Variants in TBL1X observed in about 807,000 individuals in gnomAD.
The protein encoded by TBL1X is transducin beta like 1 X-linked.
Under a neutral mutation model 50.7 loss-of-function variants are expected in TBL1X, and 10 were observed. That is an observed-to-expected ratio of 0.20 (90% CI 0.12 to 0.33). The LOEUF (loss-of-function observed/expected upper bound fraction) is 0.33. Ranked by LOEUF, TBL1X falls within the 10% of genes least tolerant of loss-of-function variation. TBL1X has a pLI of 1.00. For synonymous variants in TBL1X, 190 were observed against 214.7 expected (o/e 0.88, Z 1.01); for missense variants, 340 against 504.4 (o/e 0.67, Z 3.12).
chrX:9,562,620 A>C (rs573332522), intron 2 of TBL1X, among the ~76,000 whole-genome samples: 1 of 112,226 alleles, frequency 8.9e-6, no homozygotes. Context: ...GAACTAATGG[A>C]TATTCAATGA....
intron 2 of TBL1X, among the ~76,000 whole-genome samples, chrX:9,509,520 T>A (rs1397860494): frequency 1.1e-5 from 1 of 87,221 alleles, no homozygotes; most frequent in African/African-American, 4.3e-5. Context: ...GTTCTCACTC[T>A]GTCACCCAGG....
Position 9,559,442 on chromosome X carries a change from A to G in TBL1X, c.-131+57593A>G, listed in dbSNP as rs566171813. 2.7e-5 allele frequency among the ~76,000 whole-genome samples: 3 copies of G among 111,104 alleles called. 1 individual carries two copies. The Admixed American group carries it at 2.9e-4, about 11-fold the overall frequency. On this transcript the variant is annotated intron_variant, in intron 2 of 17. Coordinates refer to ENST00000645353, the MANE Select transcript of TBL1X (RefSeq NM_005647.4). ...TGGTGTGTTAGTGTCATCTTATTCT[A>G]ATCTAGCTGCTTCCTGTTGAAGTAC...
chrX:9,606,212 A>T (rs2082582435), intron 2 of TBL1X, among the ~76,000 whole-genome samples: 1 of 111,861 alleles, frequency 8.9e-6, no homozygotes, highest in Non-Finnish European at 1.9e-5. Flanking sequence ...AATGTGGGAC[A>T]GGCCGGTACT....
intron 2 of TBL1X, among the ~76,000 whole-genome samples, chrX:9,618,772 A>G (rs185911611): frequency 5.9e-4 from 67 of 112,626 alleles, no homozygotes; most frequent in African/African-American, 2.1e-3. Flanking sequence ...CACTTTGTCT[A>G]TATCTAAGAA....
chrX:9,473,408 C>T (rs959856050), intron 1 of TBL1X, among the ~76,000 whole-genome samples: 1 of 111,858 alleles, frequency 8.9e-6, no homozygotes, highest in Admixed American at 9.5e-5. Flanking sequence ...ACAGCAATTG[C>T]CAACTTCTGA....
Position 9,653,535 on chromosome X carries a change from T to C in TBL1X, c.-42-10T>C. The C allele has an allele frequency of 9.2e-7, 1 of 1,085,305 alleles. No homozygotes were observed. Among genetic ancestry groups the C allele is most frequent in the Non-Finnish European group, 1.2e-6 (1 of 805,936 alleles). 89.4% of individuals were successfully genotyped at this position (1,085,305 alleles called of 1,213,427 possible). On this transcript the variant is annotated splice_polypyrimidine_tract_variant and intron_variant, in intron 3 of 17. Coordinates refer to ENST00000645353, the MANE Select transcript of TBL1X (RefSeq NM_005647.4). ...TGCTCCCTGCCTTCTGTGTTCTGGT[T>C]TTCCACCAGGAGCCCTGGCCTCCTT... is the stretch of plus-strand genomic sequence containing the variant.
chrX:9,683,050 C>T (rs1041783561), intron 5 of TBL1X, among the ~76,000 whole-genome samples: 14 of 111,497 alleles, frequency 1.3e-4, no homozygotes, highest in African/African-American at 4.6e-4. Flanking sequence ...CGCCTCTGCA[C>T]CAAGCAAAGT....
At chrX:9,494,670 G>C (rs1443078756) in intron 1 of TBL1X, among the ~76,000 whole-genome samples, 1 of 112,031 alleles carries the variant, frequency 8.9e-6, no homozygotes, top group Non-Finnish European at 1.9e-5. Context: ...AGTAGGCTTT[G>C]ATCTCTTTTT....
chrX:9,484,149 C>T (rs2081898130), intron 1 of TBL1X, among the ~76,000 whole-genome samples: 2 of 110,235 alleles, frequency 1.8e-5, no homozygotes, highest in South Asian at 3.9e-4. Flanking sequence ...GGACTATAGG[C>T]GCATGCCACC....
intron 1 of TBL1X, among the ~76,000 whole-genome samples, chrX:9,477,304 C>A (rs1005986917): frequency 1.8e-5 from 2 of 112,113 alleles, no homozygotes; most frequent in African/African-American, 6.5e-5. Context: ...AAATGTTCAA[C>A]CTTCTCTAAT....
At chrX:9,501,250 A>G (rs2081999870) in intron 1 of TBL1X, among the ~76,000 whole-genome samples, 1 of 111,846 alleles carries the variant, frequency 8.9e-6, no homozygotes, top group African/African-American at 3.3e-5. Context: ...GCATAGTGAC[A>G]TCTGTCTTGA....
intron 2 of TBL1X, among the ~76,000 whole-genome samples, chrX:9,629,660 A>G (rs142140001): frequency 0.013 from 1,443 of 110,638 alleles, 19 homozygotes; most frequent in African/African-American, 0.045. Context: ...TGTTCATGAA[A>G]GAAGCAAAAC....
intron 2 of TBL1X, among the ~76,000 whole-genome samples, chrX:9,546,913 G>T (rs1191934825): frequency 5.2e-5 from 5 of 96,898 alleles, no homozygotes; most frequent in Admixed American, 4.8e-4. Flanking sequence ...CCGCCTCCTG[G>T]GTTCACACCA....
intron 2 of TBL1X, among the ~76,000 whole-genome samples, chrX:9,577,185 G>A (rs1175063046): frequency 8.9e-6 from 1 of 111,937 alleles, no homozygotes; most frequent in Admixed American, 9.5e-5. Flanking sequence ...GACCTAGAGC[G>A]GCATCCCCAA....
chrX:9,572,263 C>A (rs2082389936), intron 2 of TBL1X, among the ~76,000 whole-genome samples: 1 of 112,352 alleles, frequency 8.9e-6, no homozygotes, highest in Non-Finnish European at 1.9e-5. Context: ...AGCAGAAGTC[C>A]ACATGTTAAC....
chrX:9,677,085 C>T (rs950781621), intron 5 of TBL1X, among the ~76,000 whole-genome samples: 12 of 110,768 alleles, frequency 1.1e-4, no homozygotes, highest in Non-Finnish European at 1.3e-4. Flanking sequence ...TTTTTCATCC[C>T]GGCTCCCACT....
At position 9,684,598 on chromosome X, in the gene TBL1X, T is replaced by TTAAAAAAAAAAAA. The variant is rs746186550; in HGVS notation, c.357+410_357+411insTAAAAAAAAAAAA. Among the ~76,000 whole-genome samples, 339 of 51,260 alleles carry TTAAAAAAAAAAAA rather than the reference T, an allele frequency of 6.6e-3. 15 individuals carry two copies. The highest frequency in any genetic ancestry group is 0.027 in the African/African-American group (329 of 12,001). The allele number at this position is 51,260 out of a possible 115,157, so 44.5% of individuals were successfully genotyped here. ...TGCAGTGAGACTCCATCTCTAAAAT[T>TTAAAAAAAAAAAA]AAAAAAAAAAAAAAAAAAGGAAGAA... is the stretch of plus-strand genomic sequence containing the variant. On this transcript the variant is annotated intron_variant, in intron 6 of 17. Transcript: ENST00000645353.
intron 11 of TBL1X, among the ~76,000 whole-genome samples, chrX:9,695,220 C>G (rs1196847783): frequency 8.9e-6 from 1 of 111,831 alleles, no homozygotes; most frequent in Non-Finnish European, 1.9e-5. Flanking sequence ...GCAAGAGAGA[C>G]CAGATGGCCC....
intron 13 of TBL1X, among the ~76,000 whole-genome samples, chrX:9,707,443 C>T (rs1398176518): frequency 2.7e-5 from 3 of 112,773 alleles, no homozygotes; most frequent in African/African-American, 9.7e-5. Flanking sequence ...GACCTTGCCA[C>T]CAGCACAGGC....
Sources: gnomAD v4.1 joint callset for allele counts (sites outside exome capture counted in the v4.1 genomes callset) on GRCh38, gnomAD v4.1.1 for gene constraint, MANE v1.5 for transcripts, NCBI Gene and HGNC (gene_info 2026-07-23, HGNC 2026-07-21) for gene names.